Variants in ZNF107 observed in about 807,000 individuals in gnomAD.
ZNF107 encodes zinc finger protein 107, also known as C2H2 type zinc-finger protein.
In ZNF107, 19 loss-of-function variants were observed where a neutral mutation model predicts 12.3. The observed-to-expected ratio is 1.55, with a 90% confidence interval of 1.08 to 2.27. The LOEUF is 2.27. Among genes scored for constraint, ZNF107 ranks in the 30% most tolerant of loss-of-function variants. The pLI, the probability that ZNF107 is intolerant of heterozygous loss-of-function variation, is 0.00. For missense variants in ZNF107, 958 were observed against 979.9 expected, an observed-to-expected ratio of 0.98 and a Z score of 0.30; for synonymous variants, 317 against 330.5, an observed-to-expected ratio of 0.96 and a Z score of 0.44.
chr7:64,668,926 G>A (rs1789112525), intron 1 of ZNF107: 2 of 150,256 alleles, frequency 1.3e-5, no homozygotes, highest in African/African-American at 4.9e-5. Context: ...TCCTCTTTTT[G>A]CAGGGTACTT....
In ZNF107 at chr7:64,707,121, A is replaced by G. The variant is rs746535979; in HGVS notation, c.1024A>G (p.Lys342Glu). The G allele has an allele frequency of 6.2e-7, 1 of 1,613,386 alleles. No homozygotes were observed. The highest frequency in any genetic ancestry group is 1.3e-5 in the African/African-American group (1 of 75,026). ...KRIHAGEKPY[K>E]CKECGRAFNI... ...AATTCATGCTGGGGAGAAACCCTAC[A>G]AATGTAAAGAATGTGGCAGAGCTTT... Residue 342 changes from lysine to glutamate, a missense_variant, in exon 4 of 4, where the codon AAA becomes GAA. Physicochemically the swap from Lys to Glu is moderately conservative, Grantham distance 56. Transcript: ENST00000620827.
chr7:64,685,455 CT>C (rs1404091884), intron 1 of ZNF107, among the ~76,000 whole-genome samples: 2 of 152,200 alleles, frequency 1.3e-5, no homozygotes, highest in African/African-American at 2.4e-5. Flanking sequence ...GGCATACGCA[CT>C]GCATGACCAT....
In ZNF107 at chr7:64,702,636, C is replaced by T. The variant is rs1421783128; in HGVS notation, c.227-3688C>T. ...GCAGTGGTGCGATCTCGGCTCACCA[C>T]AACCTCTGCCTCCCAGATTCAAGCG... On this transcript the variant is annotated intron_variant, in intron 3 of 3. Coordinates refer to ENST00000620827, the MANE Select transcript of ZNF107 (RefSeq NM_001282359.2). Among the ~76,000 whole-genome samples the T allele has an allele frequency of 1.3e-5, 2 of 152,116 alleles. 1 individual carries two copies. The highest frequency in any genetic ancestry group is 1.3e-4 in the Admixed American group (2 of 15,270).
At chr7:64,691,063 G>T (rs540614933) in intron 1 of ZNF107, among the ~76,000 whole-genome samples, 185 bp from the exon 2 acceptor site, 4 of 152,148 alleles carry the variant, frequency 2.6e-5, no homozygotes, top group African/African-American at 9.6e-5. Context: ...TAGTAGAGAC[G>T]GGGTTTCACC....
intron 3 of ZNF107, among the ~76,000 whole-genome samples, chr7:64,700,565 T>TGGA: frequency 9.7e-4 from 1 of 1,034 alleles, no homozygotes; most frequent in Non-Finnish European, 2.5e-3. Context: ...TTGCCCAGGC[T>TGGA]GTGGAGTGCA....
At chr7:64,680,339 G>C (rs1191619473) in intron 1 of ZNF107, among the ~76,000 whole-genome samples, 1 of 152,150 alleles carries the variant, frequency 6.6e-6, no homozygotes, top group Non-Finnish European at 1.5e-5. Flanking sequence ...CACCTGGAGT[G>C]ACTTAAATGT....
chr7:64,674,253 C>T (rs941888017), intron 1 of ZNF107, among the ~76,000 whole-genome samples: 54 of 151,900 alleles, frequency 3.6e-4, no homozygotes, highest in African/African-American at 8.7e-4. Flanking sequence ...GAGCATAAAA[C>T]GATTTTCCAT....
At position 64,711,113 on chromosome 7, in the gene ZNF107, G is replaced by GGT. The variant is rs1790874081; in HGVS notation, c.*2457_*2458insGT. The GGT allele has an allele frequency of 6.6e-6, 1 of 151,974 alleles. No individual in the cohort carries two copies. The highest frequency in any genetic ancestry group is 2.1e-4 in the South Asian group (1 of 4,828). 9.4% of individuals were successfully genotyped at this position (151,974 alleles called of 1,614,324 possible). On this transcript the variant is annotated 3_prime_UTR_variant, in exon 4 of 4. Transcript: ENST00000620827. ...TGTGCATTCAATGAAGTGTTTTCAT[G>GGT]CCACTGACTTTACCTATCCCACATT...
intron 3 of ZNF107, among the ~76,000 whole-genome samples, chr7:64,692,420 T>C (rs2128963150): frequency 6.6e-6 from 1 of 152,320 alleles, no homozygotes; most frequent in East Asian, 1.9e-4. Context: ...ATTACTATAG[T>C]CTTGAAATAT....
chr7:64,691,940 A>G lies in ZNF107; in HGVS notation c.206A>G (p.Glu69Gly). The change falls in exon 3 of 4, where the codon GAG (glutamate) becomes GGG (glycine). Residue 69 changes from glutamate (E) to glycine (G), a missense_variant. Glu to Gly is a moderately conservative substitution (Grantham distance 98, BLOSUM62 -2). Transcript: ENST00000620827. ...KKEPWNIKRHEMVAKPPVMSF... is the reference protein window; with the variant it reads ...KKEPWNIKRHGMVAKPPVMSF... ...GAGCCCTGGAATATAAAAAGACATG[A>G]GATGGTAGCCAAACCCCCAGGTAGG... 6.6e-7 allele frequency: 1 copy of G among 1,525,256 alleles called. No individual in the cohort carries two copies. The highest frequency in any genetic ancestry group is 1.2e-5 in the South Asian group (1 of 80,218). 94.5% of individuals were successfully genotyped at this position (1,525,256 alleles called of 1,614,324 possible). A position where few individuals can be genotyped will look rare whatever the true frequency, so the allele number is the denominator to read the frequency against.
chr7:64,687,003 G>C, intron 1 of ZNF107: 1 of 985,426 alleles, frequency 1.0e-6, no homozygotes, highest in South Asian at 4.7e-5. Flanking sequence ...GAGGGTAGCT[G>C]TGCACTTTGG....
Position 64,707,882 on chromosome 7 carries a change from T to C in ZNF107, c.1785T>C (p.Cys595=), listed in dbSNP as rs756362945. The change falls in exon 4 of 4, where the codon TGT becomes TGC. Residue 595 remains cysteine, a synonymous_variant. Transcript: ENST00000620827. ...ATACTAAAGAGAAACTCAACAAATG[T>C]GAAGAATTTGGCAAGGCCTTTAAAC... ...IVHTKEKLNK[C]EEFGKAFKQS... is the part of the protein sequence containing the mutation. The C allele has an allele frequency of 6.2e-7, 1 of 1,613,704 alleles. No individual in the cohort carries two copies. The highest frequency in any genetic ancestry group is 8.5e-7 in the Non-Finnish European group (1 of 1,179,812).
At position 64,708,785 on chromosome 7, in the gene ZNF107, A is replaced by G; in HGVS notation, c.*129A>G. ...ACACACGAGGTATTTTATACTGGTG[A>G]GAAACCTTACAATGTAAAGAATGTG... On this transcript the variant is annotated 3_prime_UTR_variant, in exon 4 of 4. Coordinates refer to ENST00000620827, the MANE Select transcript of ZNF107 (RefSeq NM_001282359.2). 1.1e-6 allele frequency: 1 copy of G among 896,888 alleles called. No individual in the cohort carries two copies. Among genetic ancestry groups the G allele is most frequent in the Non-Finnish European group, 1.7e-6 (1 of 599,876 alleles). 55.6% of individuals were successfully genotyped at this position (896,888 alleles called of 1,614,324 possible). A position where few individuals can be genotyped will look rare whatever the true frequency, so the allele number is the denominator to read the frequency against.
intron 3 of ZNF107, among the ~76,000 whole-genome samples, chr7:64,700,721 G>T (rs1211724892): frequency 6.6e-6 from 1 of 151,542 alleles, no homozygotes; most frequent in Non-Finnish European, 1.5e-5. Flanking sequence ...TGTATTTTTA[G>T]TAGAGATGGG....
At position 64,707,922 on chromosome 7, in the gene ZNF107, A is replaced by G. The variant is rs146033544; in HGVS notation, c.1825A>G (p.Thr609Ala). Residue 609 changes from threonine (T) to alanine (A), a missense_variant, in exon 4 of 4, where the codon ACT becomes GCT. By Grantham distance (58) the Thr-to-Ala change is moderately conservative. Transcript: ENST00000620827. ...GKAFKQSSHR[T>A]IHKIIHTGEK... is the part of the protein sequence containing the mutation. ...GGCCTTTAAACAGTCCTCACACCGTACTATACATAAAATTATTCATACTGG... is the reference window on the plus strand; with the variant it reads ...GGCCTTTAAACAGTCCTCACACCGTGCTATACATAAAATTATTCATACTGG... 13 of 1,613,634 alleles carry G rather than the reference A, an allele frequency of 8.1e-6. No individual in the cohort carries two copies. The highest frequency in any genetic ancestry group is 1.3e-5 in the African/African-American group (1 of 75,014).
Position 64,708,386 on chromosome 7 carries a change from T to C in ZNF107, c.2289T>C (p.Cys763=), listed in dbSNP as rs1402291705. The change falls in exon 4 of 4, where the codon TGT becomes TGC. Residue 763 remains cysteine, a synonymous_variant. Transcript: ENST00000620827. ...ATACTGGAGAGAAACCCTATAAATG[T>C]GAAGAATGTGGCAAAGCTTTTAACC... The part of the protein sequence containing the change: ...KIHTGEKPYK[C]EECGKAFNQS... The C allele has an allele frequency of 6.2e-7, 1 of 1,613,116 alleles. No homozygotes were observed. The highest frequency in any genetic ancestry group is 8.5e-7 in the Non-Finnish European group (1 of 1,179,644).
chr7:64,666,168 T>A lies in ZNF107; in HGVS notation c.-115T>A. ...CTGGCTGCAGCCGGAGCTCCTGCTC[T>A]CCTCCTCACTGCTCAGTGTCCTCTG... is the stretch of plus-strand genomic sequence containing the variant. On this transcript the variant is annotated 5_prime_UTR_variant, in exon 1 of 4. Transcript: ENST00000620827. The A allele has an allele frequency of 7.0e-7, 1 of 1,424,132 alleles. No individual in the cohort carries two copies. 88.2% of individuals were successfully genotyped at this position (1,424,132 alleles called of 1,614,324 possible).
rs141980471 is a variant in ZNF107 at position 64,700,506 on chromosome 7, CTTTTTTTTTT to C, written c.227-5798_227-5789del. 2.5e-3 allele frequency among the ~76,000 whole-genome samples: 163 copies of C among 66,248 alleles called. 2 individuals carry two copies. The highest frequency in any genetic ancestry group is 3.7e-3 in the Admixed American group (13 of 3,474). The allele number at this position is 66,248 out of a possible 152,430, so 43.5% of individuals were successfully genotyped here. On this transcript the variant is annotated intron_variant, in intron 3 of 3. Transcript: ENST00000620827. Reference sequence around the variant, plus strand: ...GTCTGTCAAACCAAGCCAAATAAACCTTTTTTTTTTTTTTTTTTTTTTTTTTTTTGAGACT... The same window carrying C: ...GTCTGTCAAACCAAGCCAAATAAACCTTTTTTTTTTTTTTTTTTTGAGACT...
In ZNF107 at chr7:64,709,850, T is replaced by A. The variant is rs1029803003; in HGVS notation, c.*1194T>A. ...TTTAAAGTGAAGAAGAGGAGCCAGT[T>A]GTGCTGGCTCACATCTGTAATGCCA... is the stretch of plus-strand genomic sequence containing the variant. On this transcript the variant is annotated 3_prime_UTR_variant, in exon 4 of 4. Transcript: ENST00000620827. 2 of 416,796 alleles carry A rather than the reference T, an allele frequency of 4.8e-6. No individual in the cohort carries two copies. The highest frequency in any genetic ancestry group is 2.9e-5 in the Admixed American group (1 of 34,126). 25.8% of individuals were successfully genotyped at this position (416,796 alleles called of 1,614,324 possible).
Sources: gnomAD v4.1 joint callset for allele counts (sites outside exome capture counted in the v4.1 genomes callset) on GRCh38, gnomAD v4.1.1 for gene constraint, MANE v1.5 for transcripts, NCBI Gene and HGNC (gene_info 2026-07-23, HGNC 2026-07-21) for gene names.